Variants in NARS2 observed in about 807,000 individuals in gnomAD.
NARS2 encodes the protein asparaginyl-tRNA synthetase.
In NARS2, 60 loss-of-function variants were observed where a neutral mutation model predicts 62.9. The observed-to-expected ratio is 0.95, with a 90% CI of 0.77 to 1.18. The LOEUF (loss-of-function observed/expected upper bound fraction) is 1.18. Among genes scored for constraint, NARS2 ranks in the 50% most tolerant of loss-of-function variants. The probability of loss-of-function intolerance (pLI) is 0.00; values close to 1 mark genes in which losing one functional copy is unlikely to be tolerated. For synonymous variants in NARS2, 196 were observed against 200.0 expected (o/e 0.98, Z 0.17); for missense variants, 619 against 576.4 (o/e 1.07, Z -0.76).
intron 6 of NARS2, among the ~76,000 whole-genome samples, chr11:78,519,285 A>G (rs767626742): frequency 5.9e-5 from 9 of 152,184 alleles, no homozygotes; most frequent in Non-Finnish European, 1.0e-4. Flanking sequence ...AACTGCATGT[A>G]CCAATCACAA....
chr11:78,536,165 C>T lies in NARS2; in HGVS notation c.595-7229G>A, dbSNP rs974190976. Reference sequence around the variant, plus strand: ...ATGTCACAGAGCATGGCATTACTCACGTATTTGTGGTGATGCTGTTGTAAA... The same window carrying T: ...ATGTCACAGAGCATGGCATTACTCATGTATTTGTGGTGATGCTGTTGTAAA... On this transcript the variant is annotated intron_variant, in intron 5 of 13. Transcript: ENST00000281038. 2.6e-5 allele frequency among the ~76,000 whole-genome samples: 4 copies of T among 152,126 alleles called. No individual in the cohort carries two copies. In the South Asian group the frequency reaches 6.2e-4, roughly 24 times the overall value.
chr11:78,472,059 A>G (rs570418173), intron 9 of NARS2, among the ~76,000 whole-genome samples: 1 of 152,318 alleles, frequency 6.6e-6, no homozygotes, highest in Admixed American at 6.5e-5. Flanking sequence ...TTCATTATTA[A>G]GAAATGACTC....
At chr11:78,466,857 T>C (rs1274330406) in intron 10 of NARS2, among the ~76,000 whole-genome samples, 1 of 152,252 alleles carries the variant, frequency 6.6e-6, no homozygotes, top group African/African-American at 2.4e-5. Context: ...CTCTGTTCAA[T>C]ATATTTATTA....
At chr11:78,531,757 A>C (rs1861488834) in intron 5 of NARS2, among the ~76,000 whole-genome samples, 1 of 152,222 alleles carries the variant, frequency 6.6e-6, no homozygotes, top group South Asian at 2.1e-4. Context: ...GAACAATGAA[A>C]ACATGCTAAG....
rs970108313 is a variant in NARS2, at chr11:78,448,715, G to A, written c.1165-4957C>T. Reference sequence around the variant, plus strand: ...GAGAATCAGAGACTATGGAATAACCGGAAGGAGGTAGACCAGATGAGACTG... The same window carrying A: ...GAGAATCAGAGACTATGGAATAACCAGAAGGAGGTAGACCAGATGAGACTG... On this transcript the variant is annotated intron_variant, in intron 11 of 13. Transcript: ENST00000281038. 1.4e-4 allele frequency among the ~76,000 whole-genome samples: 21 copies of A among 152,304 alleles called. No individual in the cohort carries two copies. In the East Asian group the frequency reaches 3.7e-3, roughly 27 times the overall value.
chr11:78,500,736 G>A (rs962175706), intron 6 of NARS2, among the ~76,000 whole-genome samples: 2 of 150,956 alleles, frequency 1.3e-5, no homozygotes, highest in African/African-American at 4.9e-5. Context: ...GGTTTATCTA[G>A]GTTGTATCTA....
chr11:78,483,861 T>C (rs1488948658), intron 7 of NARS2, among the ~76,000 whole-genome samples: 1 of 152,164 alleles, frequency 6.6e-6, no homozygotes, highest in Non-Finnish European at 1.5e-5. Context: ...AAGCTACCAC[T>C]GACTTTCTTC....
At chr11:78,548,972 GAA>G (rs1855983821) in intron 5 of NARS2, among the ~76,000 whole-genome samples, 2 of 152,168 alleles carry the variant, frequency 1.3e-5, no homozygotes, top group Admixed American at 1.3e-4. Flanking sequence ...TGGCAAGACA[GAA>G]ACTCTACCCC....
At chr11:78,485,883 C>G (rs964121826) in intron 7 of NARS2, among the ~76,000 whole-genome samples, 1 of 152,002 alleles carries the variant, frequency 6.6e-6, no homozygotes, top group African/African-American at 2.4e-5. Context: ...ATTATTACTA[C>G]TATTTTTTGA....
rs183813996 is a variant in NARS2 at position 78,536,564 on chromosome 11, T to C, written c.595-7628A>G. On this transcript the variant is annotated intron_variant, in intron 5 of 13. Coordinates refer to ENST00000281038, the MANE Select transcript of NARS2 (RefSeq NM_024678.6). ...TAAACAGTAAAAAAGAAATCTCTAATAGAAAAAAGCTTATAGAATAATGAA... is the reference window on the plus strand; with the variant it reads ...TAAACAGTAAAAAAGAAATCTCTAACAGAAAAAAGCTTATAGAATAATGAA... 8.5e-3 allele frequency among the ~76,000 whole-genome samples: 1,288 copies of C among 152,184 alleles called. 15 individuals carry two copies. Among genetic ancestry groups the C allele is most frequent in the African/African-American group, 0.029 (1,212 of 41,532 alleles).
intron 6 of NARS2, among the ~76,000 whole-genome samples, chr11:78,524,763 A>G (rs1167138969): frequency 6.6e-6 from 1 of 152,098 alleles, no homozygotes; most frequent in Non-Finnish European, 1.5e-5. Context: ...CAGTGACCCA[A>G]TTTTGGCTTC....
intron 6 of NARS2, among the ~76,000 whole-genome samples, chr11:78,518,012 T>C (rs1251864683): frequency 1.3e-5 from 2 of 152,214 alleles, no homozygotes; most frequent in South Asian, 2.1e-4. Context: ...ATTATTAACA[T>C]AGACTTAACT....
chr11:78,521,166 C>CTT (rs965232875), intron 6 of NARS2, among the ~76,000 whole-genome samples: 4 of 135,362 alleles, frequency 3.0e-5, no homozygotes, highest in East Asian at 2.1e-4. Context: ...CTCTCTCTTT[C>CTT]TTTTTTTTTT....
chr11:78,445,186 G>T (rs1267243349), intron 11 of NARS2, among the ~76,000 whole-genome samples: 2 of 151,856 alleles, frequency 1.3e-5, no homozygotes, highest in African/African-American at 4.8e-5. Flanking sequence ...TACTAAACAG[G>T]TATTATAGTT....
In NARS2 at chr11:78,566,202, C is replaced by T; in HGVS notation, c.443G>A (p.Arg148Lys). ...CAATATAGAACCCAGAACGTTAGTCCTACACCTAAAGTGAGGATATTGTCG... is the reference window on the plus strand; with the variant it reads ...CAATATAGAACCCAGAACGTTAGTCTTACACCTAAAGTGAGGATATTGTCG... ...YLRQYPHFRC[R>K]TNVLGSILRI... Residue 148 changes from arginine (R) to lysine (K), a missense_variant, in exon 4 of 14, where the codon AGG becomes AAG. By Grantham distance (26) the Arg-to-Lys change is conservative. Transcript: ENST00000281038. 1.2e-6 allele frequency: 2 copies of T among 1,612,910 alleles called. No individual in the cohort carries two copies. Among genetic ancestry groups the T allele is most frequent in the Non-Finnish European group, 8.5e-7 (1 of 1,179,188 alleles).
chr11:78,499,538 T>C (rs932304555), intron 6 of NARS2, among the ~76,000 whole-genome samples: 3 of 152,204 alleles, frequency 2.0e-5, no homozygotes, highest in African/African-American at 7.2e-5. Flanking sequence ...TGCGAAATAA[T>C]AGTTCACAGA....
intron 5 of NARS2, among the ~76,000 whole-genome samples, chr11:78,545,178 G>A (rs1855813607): frequency 6.6e-6 from 1 of 151,998 alleles, no homozygotes. Flanking sequence ...TTCCAATTAA[G>A]TGTATAAAAA....
chr11:78,516,913 T>C (rs1035055728), intron 6 of NARS2, among the ~76,000 whole-genome samples: 4 of 152,092 alleles, frequency 2.6e-5, no homozygotes, highest in African/African-American at 4.8e-5. Flanking sequence ...TGTTACAAAA[T>C]AGGCACAAAG....
At chr11:78,465,665 A>G (rs908655036) in intron 11 of NARS2, among the ~76,000 whole-genome samples, 4 of 152,256 alleles carry the variant, frequency 2.6e-5, no homozygotes, top group African/African-American at 9.6e-5. Context: ...CACCTGCTAA[A>G]CTAAGAAGAA....
Sources: gnomAD v4.1 joint callset for allele counts (sites outside exome capture counted in the v4.1 genomes callset) on GRCh38, gnomAD v4.1.1 for gene constraint, MANE v1.5 for transcripts, NCBI Gene and HGNC (gene_info 2026-07-23, HGNC 2026-07-21) for gene names.